The following RNF180 variants were observed in gnomAD, a reference collection of about 807,000 sequenced individuals.
The protein encoded by RNF180 is ring finger protein 180.
A neutral mutation model predicts 59.2 loss-of-function variants in RNF180; 38 were observed. The observed-to-expected ratio is 0.64, with a 90% CI of 0.50 to 0.84. The LOEUF (loss-of-function observed/expected upper bound fraction) is 0.84, where lower values mean the gene tolerates loss of function less well. RNF180 is among the 40% of genes least tolerant of loss of function. The pLI, the probability that RNF180 is intolerant of heterozygous loss-of-function variation, is 0.00. For missense variants in RNF180, 705 were observed against 700.9 expected (o/e 1.01, Z -0.07); for synonymous variants, 262 against 240.3 (o/e 1.09, Z -0.84).
intron 5 of RNF180, among the ~76,000 whole-genome samples, chr5:64,268,832 GT>G (rs1475829258): frequency 3.3e-5 from 5 of 152,144 alleles, no homozygotes; most frequent in Non-Finnish European, 7.4e-5. Flanking sequence ...ACTTCTGTTA[GT>G]TTTATGCAGA....
chr5:64,309,208 G>A (rs1743627434), intron 5 of RNF180, among the ~76,000 whole-genome samples: 1 of 151,720 alleles, frequency 6.6e-6, no homozygotes, highest in Admixed American at 6.6e-5. Context: ...AAAGTTAAAA[G>A]AGCAGTTATA....
chr5:64,268,087 C>A (rs1181818323), intron 5 of RNF180, among the ~76,000 whole-genome samples: 1 of 152,160 alleles, frequency 6.6e-6, no homozygotes, highest in Non-Finnish European at 1.5e-5. Context: ...GATTACAAAT[C>A]TATTGACCAT....
intron 5 of RNF180, among the ~76,000 whole-genome samples, chr5:64,256,555 G>A (rs375142638): frequency 6.7e-4 from 102 of 152,234 alleles, no homozygotes; most frequent in Middle Eastern, 3.4e-3. Context: ...TGTTCCATTG[G>A]TCTATATCTC....
chr5:64,344,212 T>A (rs986848848), intron 7 of RNF180, among the ~76,000 whole-genome samples: 1 of 152,020 alleles, frequency 6.6e-6, no homozygotes, highest in Admixed American at 6.6e-5. Context: ...AGAGATGGCA[T>A]TTAAATATAA....
intron 7 of RNF180, among the ~76,000 whole-genome samples, chr5:64,353,931 A>C (rs1379793301): frequency 6.6e-6 from 1 of 151,782 alleles, no homozygotes; most frequent in African/African-American, 2.4e-5. Flanking sequence ...ATATGAATGA[A>C]AACAAAAATA....
intron 1 of RNF180, among the ~76,000 whole-genome samples, chr5:64,180,088 T>C (rs984553686): frequency 1.3e-5 from 2 of 152,222 alleles, no homozygotes; most frequent in Admixed American, 6.5e-5. Context: ...TAATTTTCTT[T>C]TAAAAAATTT....
At chr5:64,368,225 CTAAAA>C (rs1746524171) in intron 7 of RNF180, among the ~76,000 whole-genome samples, 1 of 151,514 alleles carries the variant, frequency 6.6e-6, no homozygotes, top group Non-Finnish European at 1.5e-5. Context: ...TTATTCGATG[CTAAAA>C]TAAGATATTC....
intron 1 of RNF180, among the ~76,000 whole-genome samples, chr5:64,194,475 G>T (rs1218339846): frequency 6.6e-6 from 1 of 152,140 alleles, no homozygotes; most frequent in Non-Finnish European, 1.5e-5. Context: ...CCGTGTGCAT[G>T]TGTCTTTATA....
intron 5 of RNF180, among the ~76,000 whole-genome samples, chr5:64,320,571 A>AG (rs921359630): frequency 1.3e-5 from 2 of 152,184 alleles, no homozygotes; most frequent in African/African-American, 4.8e-5. Flanking sequence ...TTGCAGAAAA[A>AG]GACCTACACA....
chr5:64,211,996 T>C (rs1213733808), intron 2 of RNF180, 69 bp from the exon 3 acceptor site: 12 of 910,676 alleles, frequency 1.3e-5, no homozygotes, highest in Middle Eastern at 6.1e-4. Flanking sequence ...TGAGTTTTAC[T>C]TAAATATGAA....
chr5:64,260,866 A>T (rs143017832), intron 5 of RNF180, among the ~76,000 whole-genome samples: 1 of 151,918 alleles, frequency 6.6e-6, no homozygotes, highest in Non-Finnish European at 1.5e-5. Flanking sequence ...CTTTCCACAT[A>T]GTAAGTACTA....
intron 7 of RNF180, among the ~76,000 whole-genome samples, chr5:64,334,287 T>C (rs1017714943): frequency 6.6e-6 from 1 of 152,148 alleles, no homozygotes; most frequent in Non-Finnish European, 1.5e-5. Flanking sequence ...CAGATAGATA[T>C]AAGTAGTAAC....
chr5:64,270,534 C>T (rs1290026551), intron 5 of RNF180, among the ~76,000 whole-genome samples: 2 of 152,018 alleles, frequency 1.3e-5, no homozygotes, highest in African/African-American at 2.4e-5. Flanking sequence ...TGTATATAGT[C>T]TCATTTAATT....
intron 7 of RNF180, among the ~76,000 whole-genome samples, chr5:64,357,691 T>C (rs1746083652): frequency 6.6e-6 from 1 of 151,702 alleles, no homozygotes; most frequent in South Asian, 2.1e-4. Flanking sequence ...TTACAAAAAT[T>C]AGTGAGATAA....
At chr5:64,317,151 T>C (rs111496431) in intron 5 of RNF180, among the ~76,000 whole-genome samples, 1 of 151,218 alleles carries the variant, frequency 6.6e-6, no homozygotes, top group Non-Finnish European at 1.5e-5. Context: ...TGTGTGTGCG[T>C]GTGTGTGTGT....
chr5:64,306,896 G>C (rs1456905551), intron 5 of RNF180, among the ~76,000 whole-genome samples: 2 of 151,292 alleles, frequency 1.3e-5, no homozygotes, highest in Non-Finnish European at 3.0e-5. Context: ...AATGGGGGCA[G>C]CGCACCAGCA....
intron 5 of RNF180, among the ~76,000 whole-genome samples, chr5:64,241,006 A>G (rs116388609): frequency 1.7e-4 from 26 of 152,374 alleles, no homozygotes; most frequent in Non-Finnish European, 3.4e-4. Context: ...TTACTACTGT[A>G]CAAATAATAA....
intron 7 of RNF180, among the ~76,000 whole-genome samples, chr5:64,342,464 T>G (rs1219457886): frequency 6.6e-6 from 1 of 152,090 alleles, no homozygotes; most frequent in Non-Finnish European, 1.5e-5. Flanking sequence ...ATAGCCGATT[T>G]TCTACATGAG....
At chr5:64,302,128 A>G (rs1743190291) in intron 5 of RNF180, among the ~76,000 whole-genome samples, 1 of 151,586 alleles carries the variant, frequency 6.6e-6, no homozygotes, top group African/African-American at 2.4e-5. Context: ...TTCTTGATCC[A>G]GTGAGCTAAG....
Sources: gnomAD v4.1 joint callset for allele counts (sites outside exome capture counted in the v4.1 genomes callset) on GRCh38, gnomAD v4.1.1 for gene constraint, MANE v1.5 for transcripts, NCBI Gene and HGNC (gene_info 2026-07-23, HGNC 2026-07-21) for gene names.